Variants in ZZZ3 observed in about 807,000 individuals in gnomAD.
The protein encoded by ZZZ3 is zinc finger ZZ-type containing 3, also known as ZZ-type zinc finger-containing protein 3.
Under a neutral mutation model 95.2 loss-of-function variants are expected in ZZZ3, and 22 were observed. The ratio of observed to expected loss-of-function variants is 0.23; its 90% CI spans 0.17 to 0.33. The LOEUF (loss-of-function observed/expected upper bound fraction) is 0.33. Ranked by LOEUF, ZZZ3 falls within the 10% of genes least tolerant of loss-of-function variation. The pLI is 1.00. For missense variants in ZZZ3, 885 were observed against 1,066.5 expected (o/e 0.83, Z 2.37); for synonymous variants, 335 against 358.9 (o/e 0.93, Z 0.75).
intron 1 of ZZZ3, among the ~76,000 whole-genome samples, chr1:77,661,378 A>G (rs1670772264): frequency 6.6e-6 from 1 of 152,124 alleles, no homozygotes; most frequent in African/African-American, 2.4e-5. Context: ...ACGCCATTAC[A>G]CTCCAGCCTG....
intron 7 of ZZZ3, 43 bp from the exon 8 acceptor site, chr1:77,581,934 T>C: frequency 6.2e-7 from 1 of 1,603,460 alleles, no homozygotes; most frequent in Non-Finnish European, 8.5e-7. Flanking sequence ...AGCAAAACAT[T>C]GCCAGATATT....
intron 1 of ZZZ3, among the ~76,000 whole-genome samples, chr1:77,667,336 G>GT (rs1370309567): frequency 6.6e-6 from 1 of 152,132 alleles, no homozygotes; most frequent in African/African-American, 2.4e-5. Flanking sequence ...TTTTTATCAT[G>GT]TAACATACCA....
At position 77,610,425 on chromosome 1, in the gene ZZZ3, C is replaced by G. The variant is rs532518764; in HGVS notation, c.1505+21425G>C. ...AATACCAATCCTACTCAAACTATAC[C>G]AAAAAATAGAGGAGGAGGGAATACT... On this transcript the variant is annotated intron_variant, in intron 5 of 14. Coordinates refer to ENST00000370801, the MANE Select transcript of ZZZ3 (RefSeq NM_015534.6). 9.1e-4 allele frequency among the ~76,000 whole-genome samples: 138 copies of G among 151,678 alleles called. 6 individuals are homozygous for G. In the South Asian group the frequency reaches 0.027, roughly 30 times the overall value.
intron 3 of ZZZ3, among the ~76,000 whole-genome samples, chr1:77,639,905 T>C (rs1668614635): frequency 6.6e-6 from 1 of 151,880 alleles, no homozygotes; most frequent in African/African-American, 2.4e-5. Flanking sequence ...GGGAGTATTT[T>C]TTTTTTTTTT....
At chr1:77,584,390 G>A (rs1052452812) in intron 6 of ZZZ3, 127 bp downstream of exon 6, 17 of 863,168 alleles carry the variant, frequency 2.0e-5, no homozygotes, top group African/African-American at 1.9e-4. Context: ...TAAGTAGTAC[G>A]GCTAATTATA....
intron 5 of ZZZ3, among the ~76,000 whole-genome samples, chr1:77,613,475 A>G (rs1666006500): frequency 1.3e-5 from 2 of 151,092 alleles, no homozygotes; most frequent in South Asian, 2.1e-4. Context: ...AAAAAAAAAA[A>G]GCATCTATTT....
chr1:77,644,439 T>C (rs1203923455), intron 1 of ZZZ3, among the ~76,000 whole-genome samples: 1 of 152,228 alleles, frequency 6.6e-6, no homozygotes, highest in Admixed American at 6.5e-5. Context: ...TTTCATTTGG[T>C]ACAATAATCA....
At chr1:77,607,205 C>T (rs1960060) in intron 5 of ZZZ3, among the ~76,000 whole-genome samples, 3 of 152,272 alleles carry the variant, frequency 2.0e-5, no homozygotes, top group Admixed American at 6.5e-5. Flanking sequence ...AACAAAGTCA[C>T]GTCTTACATG....
chr1:77,634,171 AAAATAAAT>A lies in ZZZ3; in HGVS notation c.-51-774_-51-767del, dbSNP rs377475803. On this transcript the variant is annotated intron_variant, in intron 4 of 14. Coordinates refer to ENST00000370801, the MANE Select transcript of ZZZ3 (RefSeq NM_015534.6). ...GGCGACAGAGTGAGACTGTCTCAAA[AAAATAAAT>A]AAATAAATAAATAAAATAAATAAAA... is the stretch of plus-strand genomic sequence containing the variant. 2.4e-3 allele frequency among the ~76,000 whole-genome samples: 371 copies of A among 151,956 alleles called. 13 individuals carry two copies. The East Asian group carries it at 0.058, about 24-fold the overall frequency.
rs569586872 is a variant in ZZZ3, at chr1:77,625,413, T to C, written c.1505+6437A>G. 9.9e-5 allele frequency among the ~76,000 whole-genome samples: 15 copies of C among 152,280 alleles called. 1 individual carries two copies. The South Asian group carries it at 2.3e-3, about 23-fold the overall frequency. ...AATCATGAGACATAATTCTGACAAG[T>C]GTTATTCTGATATCCAATTTCAGAG... is the stretch of plus-strand genomic sequence containing the variant. On this transcript the variant is annotated intron_variant, in intron 5 of 14. Transcript: ENST00000370801.
intron 1 of ZZZ3, among the ~76,000 whole-genome samples, chr1:77,664,193 A>T (rs1361266482): frequency 6.6e-6 from 1 of 152,078 alleles, no homozygotes; most frequent in Non-Finnish European, 1.5e-5. Context: ...TTAATCTCTC[A>T]TTCCAATTTA....
intron 1 of ZZZ3, among the ~76,000 whole-genome samples, chr1:77,647,369 A>C (rs913198812): frequency 6.6e-6 from 1 of 152,092 alleles, no homozygotes; most frequent in Non-Finnish European, 1.5e-5. Context: ...AAATACAAAA[A>C]TTAGCAGGGC....
chr1:77,632,120 G>A lies in ZZZ3; in HGVS notation c.1235C>T (p.Pro412Leu). 1 of 1,614,080 alleles carries A rather than the reference G, an allele frequency of 6.2e-7. No individual in the cohort carries two copies. The highest frequency in any genetic ancestry group is 8.5e-7 in the Non-Finnish European group (1 of 1,180,012). Reference protein sequence around the residue: ...NGQFEENNLSPNETNATVSDN... With the variant: ...NGQFEENNLSLNETNATVSDN... ...ACTAACAGTTGCATTTGTTTCATTA[G>A]GACTAAGATTATTCTCCTCAAATTG... The change falls in exon 5 of 15, where the codon CCT becomes CTT. Residue 412 changes from proline (P) to leucine (L), a missense_variant. Coordinates refer to ENST00000370801, the MANE Select transcript of ZZZ3 (RefSeq NM_015534.6).
intron 5 of ZZZ3, among the ~76,000 whole-genome samples, chr1:77,598,213 T>C (rs1664399744): frequency 6.6e-6 from 1 of 152,122 alleles, no homozygotes; most frequent in African/African-American, 2.4e-5. Context: ...TTTTGTATGA[T>C]ACCTATAATA....
intron 5 of ZZZ3, among the ~76,000 whole-genome samples, chr1:77,611,812 C>T (rs766371131): frequency 6.6e-6 from 1 of 151,936 alleles, no homozygotes; most frequent in Non-Finnish European, 1.5e-5. Context: ...TATCCCATAC[C>T]ATATACAAAA....
intron 12 of ZZZ3, among the ~76,000 whole-genome samples, chr1:77,572,250 T>C (rs1661459946): frequency 6.6e-6 from 1 of 152,244 alleles, no homozygotes; most frequent in Admixed American, 6.5e-5. Context: ...ACATCAAATC[T>C]AATCCACTCT....
chr1:77,574,470 A>C (rs1193017175), intron 12 of ZZZ3, among the ~76,000 whole-genome samples: 1 of 152,152 alleles, frequency 6.6e-6, no homozygotes, highest in Non-Finnish European at 1.5e-5. Flanking sequence ...AAATAAAATA[A>C]AAATGTATCA....
At chr1:77,636,592 G>A (rs771828376) in intron 4 of ZZZ3, among the ~76,000 whole-genome samples, 6 of 150,950 alleles carry the variant, frequency 4.0e-5, no homozygotes, top group Middle Eastern at 3.4e-3. Flanking sequence ...AAGCCTGCCT[G>A]TAGTCCCAGG....
chr1:77,575,974 A>G (rs1661895265), intron 12 of ZZZ3, 94 bp downstream of exon 12: 2 of 1,105,044 alleles, frequency 1.8e-6, no homozygotes, highest in African/African-American at 1.6e-5. Context: ...GTTCATTAAA[A>G]GAAACCAACA....
Sources: gnomAD v4.1 joint callset for allele counts (sites outside exome capture counted in the v4.1 genomes callset) on GRCh38, gnomAD v4.1.1 for gene constraint, MANE v1.5 for transcripts, NCBI Gene and HGNC (gene_info 2026-07-23, HGNC 2026-07-21) for gene names.